The following PRKAR1B variants were observed in gnomAD, a reference collection of about 807,000 sequenced individuals.
The protein encoded by PRKAR1B is cAMP-dependent protein kinase type I-beta regulatory subunit.
In PRKAR1B, 22 loss-of-function variants were observed where a neutral mutation model predicts 46.5. The ratio of observed to expected loss-of-function variants is 0.47; its 90% CI spans 0.34 to 0.68. The LOEUF (loss-of-function observed/expected upper bound fraction) is 0.68. Ranked by LOEUF, PRKAR1B falls within the 30% of genes least tolerant of loss-of-function variation. The probability of loss-of-function intolerance (pLI) is 0.01; values close to 1 mark genes in which losing one functional copy is unlikely to be tolerated. For synonymous variants in PRKAR1B, 259 were observed against 217.7 expected, an observed-to-expected ratio of 1.19 and a Z score of -1.67; for missense variants, 445 against 535.6, an observed-to-expected ratio of 0.83 and a Z score of 1.67.
intron 9 of PRKAR1B, among the ~76,000 whole-genome samples, chr7:572,267 G>A (rs146341423): frequency 3.9e-5 from 6 of 152,308 alleles, no homozygotes; most frequent in South Asian, 4.1e-4. Context: ...AGGAGTGACC[G>A]CTCCAGTCTG....
intron 2 of PRKAR1B, among the ~76,000 whole-genome samples, chr7:688,328 C>T (rs536129929): frequency 6.6e-5 from 10 of 151,144 alleles, no homozygotes; most frequent in East Asian, 1.9e-4. Context: ...TTGCTTGATC[C>T]GGGAGGTGGA....
rs201241648 is a variant in PRKAR1B at position 703,655 on chromosome 7, C to CAAA, written c.177+7671_177+7673dup. ...TGGGCAACAGAGCAAGACTCTGTCT[C>CAAA]AAAAAAAAAAAAAAAAATCAGCAGG... On this transcript the variant is annotated intron_variant, in intron 2 of 10. Coordinates refer to ENST00000537384, the MANE Select transcript of PRKAR1B (RefSeq NM_001164760.2). Among the ~76,000 whole-genome samples, 20 of 119,610 alleles carry CAAA rather than the reference C, an allele frequency of 1.7e-4. 1 individual carries two copies. The East Asian group carries it at 3.1e-3, about 19-fold the overall frequency. The allele number at this position is 119,610 out of a possible 152,430, so 78.5% of individuals were successfully genotyped here.
intron 4 of PRKAR1B, among the ~76,000 whole-genome samples, chr7:620,927 CT>C (rs1783078465): frequency 6.6e-6 from 1 of 152,202 alleles, no homozygotes; most frequent in African/African-American, 2.4e-5. Context: ...TATGTATGAC[CT>C]TTACCAAGTT....
intron 4 of PRKAR1B, among the ~76,000 whole-genome samples, chr7:653,719 C>T (rs1785031284): frequency 1.3e-5 from 2 of 152,192 alleles, no homozygotes; most frequent in South Asian, 4.1e-4. Context: ...AATGGAGAAT[C>T]AACTCCAACA....
At chr7:651,235 G>A (rs1001846669) in intron 4 of PRKAR1B, among the ~76,000 whole-genome samples, 13 of 152,230 alleles carry the variant, frequency 8.5e-5, no homozygotes, top group African/African-American at 3.1e-4. Context: ...GACCTGCCAT[G>A]AGGGGTGATT....
At chr7:638,712 A>G (rs548120711) in intron 4 of PRKAR1B, among the ~76,000 whole-genome samples, 2 of 152,362 alleles carry the variant, frequency 1.3e-5, no homozygotes, top group African/African-American at 2.4e-5. Flanking sequence ...AGAAGATTCA[A>G]TATTGACAAG....
chr7:693,655 GAC>G (rs766354330), intron 2 of PRKAR1B, among the ~76,000 whole-genome samples: 126 of 152,252 alleles, frequency 8.3e-4, no homozygotes, highest in South Asian at 1.7e-3. Context: ...CGAGCTGACG[GAC>G]GTGCGAGGTT....
chr7:689,802 C>CCT (rs1243979511), intron 2 of PRKAR1B, among the ~76,000 whole-genome samples: 2 of 151,972 alleles, frequency 1.3e-5, no homozygotes, highest in Non-Finnish European at 2.9e-5. Context: ...GCCTCAGCCT[C>CCT]TCGAGTAGCT....
intron 9 of PRKAR1B, among the ~76,000 whole-genome samples, chr7:573,939 G>A (rs1327163709): frequency 3.3e-5 from 5 of 152,324 alleles, no homozygotes; most frequent in Admixed American, 2.0e-4. Flanking sequence ...GGGTGCGGTT[G>A]GGTCACACGC....
At chr7:580,013 G>A (rs537025357) in intron 8 of PRKAR1B, among the ~76,000 whole-genome samples, 4 of 152,198 alleles carry the variant, frequency 2.6e-5, no homozygotes, top group South Asian at 4.2e-4. Context: ...CGGGAGGATC[G>A]CTTGAGGCCA....
chr7:708,572 C>T (rs1057432864), intron 2 of PRKAR1B, among the ~76,000 whole-genome samples: 12 of 152,174 alleles, frequency 7.9e-5, no homozygotes, highest in Non-Finnish European at 1.3e-4. Flanking sequence ...CTGCAACCTC[C>T]GCCTCCCTGG....
chr7:566,529 T>TACCATCTTCACC (rs1779163833), intron 9 of PRKAR1B, among the ~76,000 whole-genome samples: 9 of 31,536 alleles, frequency 2.9e-4, no homozygotes, highest in East Asian at 1.9e-3. Context: ...TCACCATCAT[T>TACCATCTTCACC]ATGGCCACCA....
At chr7:634,031 T>A (rs1327706262) in intron 4 of PRKAR1B, among the ~76,000 whole-genome samples, 2 of 151,774 alleles carry the variant, frequency 1.3e-5, no homozygotes, top group Admixed American at 6.6e-5. Flanking sequence ...ATAAATAAAT[T>A]TTGTTTTTTT....
chr7:650,407 G>A (rs1420192702), intron 4 of PRKAR1B, among the ~76,000 whole-genome samples: 1 of 148,686 alleles, frequency 6.7e-6, no homozygotes, highest in African/African-American at 2.5e-5. Flanking sequence ...CACCTGATCA[G>A]TTCCAACCAC....
At chr7:565,736 G>C (rs559722373) in intron 9 of PRKAR1B, 1 of 152,358 alleles carries the variant, frequency 6.6e-6, no homozygotes, top group East Asian at 1.9e-4. Flanking sequence ...CCCCTGCGCA[G>C]CTGCGGTGCT....
At chr7:700,098 G>A (rs1050489711) in intron 2 of PRKAR1B, among the ~76,000 whole-genome samples, 2 of 152,130 alleles carry the variant, frequency 1.3e-5, no homozygotes, top group Admixed American at 6.5e-5. Context: ...GGGGGTCCCC[G>A]AATTCCATGA....
chr7:660,448 A>G (rs1247738688), intron 4 of PRKAR1B, among the ~76,000 whole-genome samples: 9 of 130,970 alleles, frequency 6.9e-5, no homozygotes, highest in Non-Finnish European at 1.3e-4. Context: ...CCCCACCCCA[A>G]CGGGTCCAAA....
chr7:710,584 A>G (rs1305093205), intron 2 of PRKAR1B, among the ~76,000 whole-genome samples: 4 of 151,806 alleles, frequency 2.6e-5, no homozygotes, highest in Non-Finnish European at 5.9e-5. Flanking sequence ...TGCAAGATCA[A>G]CGTGGAATTC....
intron 4 of PRKAR1B, among the ~76,000 whole-genome samples, chr7:662,490 C>G (rs368029485): frequency 3.5e-5 from 5 of 143,042 alleles, no homozygotes; most frequent in East Asian, 2.2e-4. Flanking sequence ...TACTCTCCCC[C>G]CCATGCCACA....
Sources: allele counts gnomAD v4.1 joint callset (sites outside exome capture counted in the v4.1 genomes callset), GRCh38; gene constraint gnomAD v4.1.1; transcripts MANE v1.5; gene names NCBI Gene and HGNC (gene_info 2026-07-23, HGNC 2026-07-21).